Variants in PLA2G4A observed in about 807,000 individuals in gnomAD.
The protein encoded by PLA2G4A is cytosolic phospholipase A2.
In PLA2G4A, 40 loss-of-function variants were observed where a neutral mutation model predicts 81.9. The ratio of observed to expected loss-of-function variants is 0.49; its 90% CI spans 0.38 to 0.64. The LOEUF (loss-of-function observed/expected upper bound fraction) is 0.64, where lower values mean the gene tolerates loss of function less well. Ranked by LOEUF, PLA2G4A falls within the 30% of genes least tolerant of loss-of-function variation. The pLI, the probability that PLA2G4A is intolerant of heterozygous loss-of-function variation, is 0.00. For synonymous variants in PLA2G4A, 302 were observed against 296.9 expected, an observed-to-expected ratio of 1.02 and a Z score of -0.18; for missense variants, 715 against 905.1, an observed-to-expected ratio of 0.79 and a Z score of 2.69.
chr1:186,976,360 T>C (rs560332507), intron 15 of PLA2G4A, among the ~76,000 whole-genome samples: 18 of 152,344 alleles, frequency 1.2e-4, no homozygotes, highest in African/African-American at 4.1e-4. Context: ...CTTCCCTTTC[T>C]TTATCCTCTT....
intron 2 of PLA2G4A, among the ~76,000 whole-genome samples, chr1:186,866,775 G>A (rs903247472): frequency 7.9e-5 from 12 of 152,064 alleles, no homozygotes; most frequent in African/African-American, 2.7e-4. Flanking sequence ...TGGGAGGGGA[G>A]CATCATTATG....
rs968610619 is a variant in PLA2G4A, at chr1:186,975,857, C to T, written c.1765-1736C>T. Among the ~76,000 whole-genome samples the T allele has an allele frequency of 5.5e-4, 84 of 152,182 alleles. 2 individuals carry two copies. Among genetic ancestry groups the T allele is most frequent in the African/African-American group, 5.1e-4 (21 of 41,430 alleles). On this transcript the variant is annotated intron_variant, in intron 15 of 17. Transcript: ENST00000367466. ...GTCTGTCTTAGAGCTGGGCCTTTCA[C>T]GCTGCACAACCCAGGCCCACAATCG... is the stretch of plus-strand genomic sequence containing the variant.
chr1:186,915,186 C>T (rs956139876), intron 7 of PLA2G4A, among the ~76,000 whole-genome samples: 3 of 152,140 alleles, frequency 2.0e-5, no homozygotes, highest in African/African-American at 4.8e-5. Context: ...TCTTCAACTA[C>T]TTGCCCTTGA....
At chr1:186,969,619 C>T (rs912562010) in intron 15 of PLA2G4A, among the ~76,000 whole-genome samples, 2 of 151,802 alleles carry the variant, frequency 1.3e-5, no homozygotes, top group Non-Finnish European at 3.0e-5. Context: ...ATTAATTCAA[C>T]TGTTTTTAGT....
chr1:186,871,495 G>A (rs905640769), intron 3 of PLA2G4A, among the ~76,000 whole-genome samples: 3 of 152,112 alleles, frequency 2.0e-5, no homozygotes, highest in African/African-American at 4.8e-5. Flanking sequence ...AACAGGTAGG[G>A]TTCCCAGCCC....
chr1:186,908,575 G>A (rs1015981368), intron 6 of PLA2G4A, among the ~76,000 whole-genome samples: 23 of 151,914 alleles, frequency 1.5e-4, no homozygotes, highest in African/African-American at 4.8e-4. Flanking sequence ...TTTCATACAC[G>A]TATACCACAT....
chr1:186,930,012 CA>C (rs1655684571), intron 7 of PLA2G4A, among the ~76,000 whole-genome samples: 1 of 152,020 alleles, frequency 6.6e-6, no homozygotes, highest in Non-Finnish European at 1.5e-5. Flanking sequence ...GGCAACATGG[CA>C]AAACCCCGTC....
At position 186,906,863 on chromosome 1, in the gene PLA2G4A, A is replaced by C. The variant is rs1654756054; in HGVS notation, c.379-102A>C. 1.5e-5 allele frequency: 10 copies of C among 672,402 alleles called. No individual in the cohort carries two copies. In the South Asian group the frequency reaches 1.6e-4, roughly 11 times the overall value. The allele number at this position is 672,402 out of a possible 1,614,324, so 41.7% of individuals were successfully genotyped here. A position where few individuals can be genotyped will look rare whatever the true frequency, so the allele number is the denominator to read the frequency against. On this transcript the variant is annotated intron_variant, in intron 5 of 17. Transcript: ENST00000367466. ...TTATTTTTAGGGTTTTGTTTTTTTG[A>C]TTAAAAATAATCTGGCACTCAAAAT... is the stretch of plus-strand genomic sequence containing the variant.
chr1:186,982,947 G>T (rs919759103), intron 17 of PLA2G4A, among the ~76,000 whole-genome samples: 1 of 151,978 alleles, frequency 6.6e-6, no homozygotes, highest in Non-Finnish European at 1.5e-5. Context: ...AGCTGGGCGT[G>T]GTGGCAGGTG....
At chr1:186,877,576 CT>C (rs1653547775) in intron 3 of PLA2G4A, among the ~76,000 whole-genome samples, 2 of 151,660 alleles carry the variant, frequency 1.3e-5, no homozygotes, top group African/African-American at 4.8e-5. Context: ...TTGTTAAACA[CT>C]TTTCCGAAAA....
Position 186,988,606 on chromosome 1 carries a change from C to A in PLA2G4A, c.*98C>A. Reference sequence around the variant, plus strand: ...GTACAGTACAGATAGTCGTACTGATCATGAGAGACTGGCTGATACTCAAAG... The same window carrying A: ...GTACAGTACAGATAGTCGTACTGATAATGAGAGACTGGCTGATACTCAAAG... On this transcript the variant is annotated 3_prime_UTR_variant, in exon 18 of 18. Transcript: ENST00000367466. 9.6e-7 allele frequency: 1 copy of A among 1,041,312 alleles called. No individual in the cohort carries two copies. Among genetic ancestry groups the A allele is most frequent in the Non-Finnish European group, 1.5e-6 (1 of 670,006 alleles). The allele number at this position is 1,041,312 out of a possible 1,614,324, so 64.5% of individuals were successfully genotyped here.
chr1:186,902,879 CAA>C (rs72003812), intron 5 of PLA2G4A, among the ~76,000 whole-genome samples: 21 of 99,418 alleles, frequency 2.1e-4, no homozygotes, highest in East Asian at 2.6e-4. Flanking sequence ...CTTTATTGCT[CAA>C]AAAAAAAAAA....
At chr1:186,913,153 A>C (rs143875538) in intron 7 of PLA2G4A, among the ~76,000 whole-genome samples, 7 of 151,894 alleles carry the variant, frequency 4.6e-5, no homozygotes, top group African/African-American at 1.7e-4. Context: ...CGTACTTTCA[A>C]TATTTGTTTA....
At chr1:186,986,858 C>G (rs542817822) in intron 17 of PLA2G4A, among the ~76,000 whole-genome samples, 1 of 152,302 alleles carries the variant, frequency 6.6e-6, no homozygotes, top group East Asian at 1.9e-4. Context: ...GTCCAAGTCT[C>G]CTTCATAGAT....
chr1:186,908,082 A>C (rs1654805893), intron 6 of PLA2G4A, among the ~76,000 whole-genome samples: 1 of 152,096 alleles, frequency 6.6e-6, no homozygotes. Context: ...TCTAGAACAG[A>C]AATTGTTTTC....
rs1409491993 is a variant in PLA2G4A, at chr1:186,906,911, A to T, written c.379-54A>T. 4.5e-6 allele frequency: 4 copies of T among 883,990 alleles called. No individual in the cohort carries two copies. The East Asian group carries it at 9.7e-5, about 21-fold the overall frequency. The allele number at this position is 883,990 out of a possible 1,614,324, so 54.8% of individuals were successfully genotyped here. ...AATTTATTTTGAGTTTGTTTCCATGATATAAACACATATCTACTTTATGAC... is the reference window on the plus strand; with the variant it reads ...AATTTATTTTGAGTTTGTTTCCATGTTATAAACACATATCTACTTTATGAC... On this transcript the variant is annotated intron_variant, in intron 5 of 17. Coordinates refer to ENST00000367466, the MANE Select transcript of PLA2G4A (RefSeq NM_024420.3).
At chr1:186,889,133 T>A (rs183241945) in intron 3 of PLA2G4A, among the ~76,000 whole-genome samples, 1 of 152,194 alleles carries the variant, frequency 6.6e-6, no homozygotes, top group Admixed American at 6.5e-5. Flanking sequence ...CTCTTCTTCT[T>A]TGGCCCATTT....
In PLA2G4A at chr1:186,925,454, A is replaced by G. The variant is rs1655514250; in HGVS notation, c.559-7309A>G. 3.3e-5 allele frequency among the ~76,000 whole-genome samples: 5 copies of G among 152,188 alleles called. No individual in the cohort carries two copies. In the South Asian group the frequency reaches 8.3e-4, roughly 25 times the overall value. On this transcript the variant is annotated intron_variant, in intron 7 of 17. Coordinates refer to ENST00000367466, the MANE Select transcript of PLA2G4A (RefSeq NM_024420.3). ...TTCTCCACAGCTTCTTTCTAGCTTC[A>G]TTTTTGCCAGTTTATCCCAAATTTC...
chr1:186,974,639 T>C (rs1657469665), intron 15 of PLA2G4A, among the ~76,000 whole-genome samples: 1 of 152,228 alleles, frequency 6.6e-6, no homozygotes, highest in Non-Finnish European at 1.5e-5. Flanking sequence ...GTATCTGAGG[T>C]GTCAAACAAT....
Sources: allele counts gnomAD v4.1 joint callset (sites outside exome capture counted in the v4.1 genomes callset), GRCh38; gene constraint gnomAD v4.1.1; transcripts MANE v1.5; gene names NCBI Gene and HGNC (gene_info 2026-07-23, HGNC 2026-07-21).